The following KLHL29 variants were observed in gnomAD, a reference collection of about 807,000 sequenced individuals.
KLHL29 encodes kelch like family member 29.
A neutral mutation model predicts 80.4 loss-of-function variants in KLHL29; 21 were observed. That is an observed-to-expected ratio of 0.26 (90% confidence interval 0.19 to 0.38). KLHL29 has a LOEUF of 0.38. Ranked by LOEUF, KLHL29 falls within the 10% of genes least tolerant of loss-of-function variation. KLHL29 has a pLI of 1.00. For synonymous variants in KLHL29, 511 were observed against 526.8 expected, an observed-to-expected ratio of 0.97 and a Z score of 0.41; for missense variants, 867 against 1,223.9, an observed-to-expected ratio of 0.71 and a Z score of 4.35.
chr2:23,477,514 C>T (rs1177092553), intron 2 of KLHL29, among the ~76,000 whole-genome samples: 3 of 152,260 alleles, frequency 2.0e-5, no homozygotes, highest in African/African-American at 7.2e-5. Flanking sequence ...CCTGTGACCC[C>T]ACAGTGCATC....
chr2:23,628,985 C>T (rs1025535038), intron 3 of KLHL29, among the ~76,000 whole-genome samples: 2 of 152,236 alleles, frequency 1.3e-5, no homozygotes, highest in African/African-American at 2.4e-5. Flanking sequence ...CCCACCTCCC[C>T]GCCCACTCTG....
At chr2:23,586,999 G>C (rs1348469457) in intron 3 of KLHL29, among the ~76,000 whole-genome samples, 1 of 152,114 alleles carries the variant, frequency 6.6e-6, no homozygotes, top group Non-Finnish European at 1.5e-5. Flanking sequence ...CTTATTGTTG[G>C]GGGATATAAC....
chr2:23,675,200 G>A (rs1358472357), intron 5 of KLHL29, among the ~76,000 whole-genome samples: 1 of 152,160 alleles, frequency 6.6e-6, no homozygotes, highest in Non-Finnish European at 1.5e-5. Context: ...CTCCAAGCAG[G>A]GGAAGGAGCC....
chr2:23,697,141 G>C (rs1376154060), intron 11 of KLHL29: 1 of 152,482 alleles, frequency 6.6e-6, no homozygotes, highest in Non-Finnish European at 1.5e-5. Context: ...GACCACGTGT[G>C]AACCTGCCCT....
At chr2:23,478,355 T>C (rs941660363) in intron 2 of KLHL29, among the ~76,000 whole-genome samples, 6 of 152,070 alleles carry the variant, frequency 3.9e-5, no homozygotes, top group African/African-American at 1.2e-4. Context: ...CCGAGGCCCC[T>C]AGATGGTTCT....
intron 3 of KLHL29, among the ~76,000 whole-genome samples, chr2:23,605,231 C>G (rs1314239852): frequency 6.6e-6 from 1 of 151,222 alleles, no homozygotes; most frequent in Non-Finnish European, 1.5e-5. Context: ...CCCATCTCAG[C>G]CTCCTGAGTA....
At chr2:23,589,371 T>C (rs1371784374) in intron 3 of KLHL29, among the ~76,000 whole-genome samples, 1 of 152,256 alleles carries the variant, frequency 6.6e-6, no homozygotes, top group African/African-American at 2.4e-5. Context: ...AGCTGGTCTA[T>C]TAATAGGGCG....
chr2:23,608,208 A>G (rs1323279122), intron 3 of KLHL29, among the ~76,000 whole-genome samples: 1 of 152,256 alleles, frequency 6.6e-6, no homozygotes, highest in Non-Finnish European at 1.5e-5. Context: ...GTTCCCACAT[A>G]CAGAAGAGAG....
chr2:23,588,088 C>T (rs542376436), intron 3 of KLHL29, among the ~76,000 whole-genome samples: 2 of 152,350 alleles, frequency 1.3e-5, no homozygotes, highest in Admixed American at 6.5e-5. Flanking sequence ...TTCTGGATGA[C>T]CTGGTCCCCG....
intron 3 of KLHL29, among the ~76,000 whole-genome samples, chr2:23,577,134 GGTGTCTCCAC>G (rs1396992481): frequency 6.6e-6 from 1 of 152,198 alleles, no homozygotes; most frequent in Non-Finnish European, 1.5e-5. Context: ...GTTCAGACCT[GGTGTCTCCAC>G]GTGGCTCCAT....
intron 1 of KLHL29, among the ~76,000 whole-genome samples, chr2:23,466,261 A>T (rs776808572): frequency 5.1e-4 from 77 of 152,232 alleles, no homozygotes; most frequent in Non-Finnish European, 1.0e-3. Context: ...AGAGAGAACC[A>T]CATCAACTTC....
chr2:23,572,931 G>T (rs898968650), intron 3 of KLHL29, among the ~76,000 whole-genome samples: 1 of 152,146 alleles, frequency 6.6e-6, no homozygotes, highest in East Asian at 1.9e-4. Flanking sequence ...CTCGTGATCC[G>T]CCCGCCTCGG....
At chr2:23,491,180 C>G (rs1012754668) in intron 2 of KLHL29, among the ~76,000 whole-genome samples, 1 of 152,032 alleles carries the variant, frequency 6.6e-6, no homozygotes, top group Admixed American at 6.5e-5. Flanking sequence ...CTAGGGACAC[C>G]AGCAGCTTCC....
intron 1 of KLHL29, among the ~76,000 whole-genome samples, chr2:23,441,245 C>T (rs562845918): frequency 2.5e-4 from 37 of 147,646 alleles, no homozygotes; most frequent in South Asian, 1.9e-3. Flanking sequence ...AACCAAACAC[C>T]GCATGTTCTC....
chr2:23,589,471 G>A lies in KLHL29; in HGVS notation c.285+26990G>A, dbSNP rs1302788014. On this transcript the variant is annotated intron_variant, in intron 3 of 13. Coordinates refer to ENST00000486442, the MANE Select transcript of KLHL29 (RefSeq NM_052920.2). ...GGGACCAGGGTTATCCCGGAATCCC[G>A]CCACCCACCCACCTCGGTTTAGCTC... Among the ~76,000 whole-genome samples the A allele has an allele frequency of 2.6e-5, 4 of 152,150 alleles. No individual in the cohort carries two copies. In the South Asian group the frequency reaches 6.2e-4, roughly 24 times the overall value.
At chr2:23,502,046 G>A (rs929241617) in intron 2 of KLHL29, among the ~76,000 whole-genome samples, 7 of 152,112 alleles carry the variant, frequency 4.6e-5, no homozygotes, top group African/African-American at 7.2e-5. Context: ...GGCCCATCGG[G>A]TGCTGTTGCT....
chr2:23,536,433 A>G (rs933843160), intron 2 of KLHL29, among the ~76,000 whole-genome samples: 1 of 152,168 alleles, frequency 6.6e-6, no homozygotes, highest in South Asian at 2.1e-4. Context: ...TTGTCGCAGC[A>G]GGGGGCTGGT....
intron 3 of KLHL29, among the ~76,000 whole-genome samples, chr2:23,567,418 G>A (rs910918515): frequency 6.6e-6 from 1 of 152,016 alleles, no homozygotes; most frequent in African/African-American, 2.4e-5. Flanking sequence ...CTGTGTCGGA[G>A]GCCCGAGAAG....
At chr2:23,678,198 C>A (rs1435831630) in intron 5 of KLHL29, among the ~76,000 whole-genome samples, 2 of 152,226 alleles carry the variant, frequency 1.3e-5, no homozygotes, top group Admixed American at 1.3e-4. Flanking sequence ...TGGCTTCACT[C>A]TCCTCTAGGC....
Sources: gnomAD v4.1 joint callset for allele counts (sites outside exome capture counted in the v4.1 genomes callset) on GRCh38, gnomAD v4.1.1 for gene constraint, MANE v1.5 for transcripts, NCBI Gene and HGNC (gene_info 2026-07-23, HGNC 2026-07-21) for gene names.